BMPR1A: variants seen among roughly 807,000 people sequenced by gnomAD.
The protein encoded by BMPR1A is bone morphogenetic protein receptor type-1A.
In BMPR1A, 7 loss-of-function variants were observed where a neutral mutation model predicts 66.0. The ratio of observed to expected loss-of-function variants is 0.11; its 90% CI spans 0.06 to 0.20. BMPR1A has a LOEUF of 0.20. Among genes scored for constraint, BMPR1A ranks in the 10% least tolerant of loss-of-function variants. The pLI is 1.00. For missense variants in BMPR1A, 408 were observed against 669.1 expected, an observed-to-expected ratio of 0.61 and a Z score of 4.31; for synonymous variants, 200 against 229.7, an observed-to-expected ratio of 0.87 and a Z score of 1.17.
At chr10:86,913,826 T>G (rs755528699) in intron 8 of BMPR1A, among the ~76,000 whole-genome samples, 3 of 152,216 alleles carry the variant, frequency 2.0e-5, no homozygotes, top group Non-Finnish European at 4.4e-5. Flanking sequence ...TATTAAGATT[T>G]CAGTTTTCCT....
intron 11 of BMPR1A, 34 bp downstream of exon 11, chr10:86,921,729 T>G: frequency 6.2e-7 from 1 of 1,613,874 alleles, no homozygotes; most frequent in Non-Finnish European, 8.5e-7. Context: ...TTATGTTGAT[T>G]TACTCATCAT....
At chr10:86,780,955 A>G (rs1421089646) in intron 1 of BMPR1A, among the ~76,000 whole-genome samples, 4 of 151,880 alleles carry the variant, frequency 2.6e-5, no homozygotes, top group East Asian at 1.9e-4. Flanking sequence ...GGCTCAAGCA[A>G]TCCTCCCACA....
rs1589293406 is a variant in BMPR1A, at chr10:86,923,377, G to A, written c.1344G>A (p.Gly448=). ...CCATGTTTTCTCATTCCCTTATAGGGATCGTGGAAGAATACCAATTGCCAT... is the reference window on the plus strand; with the variant it reads ...CCATGTTTTCTCATTCCCTTATAGGAATCGTGGAAGAATACCAATTGCCAT... The part of the protein sequence containing the change: ...WEMARRCITG[G]IVEEYQLPYY... The change falls in exon 12 of 13, where the codon GGG becomes GGA. Residue 448 remains glycine, a splice_region_variant and synonymous_variant. Transcript: ENST00000372037. The A allele has an allele frequency of 1.2e-6, 2 of 1,614,050 alleles. No homozygotes were observed. The highest frequency in any genetic ancestry group is 3.3e-5 in the Admixed American group (2 of 60,002).
chr10:86,807,397 C>A (rs1841902723), intron 1 of BMPR1A, among the ~76,000 whole-genome samples: 1 of 152,038 alleles, frequency 6.6e-6, no homozygotes, highest in Non-Finnish European at 1.5e-5. Context: ...ACTTGTTTAT[C>A]TGACACAGAA....
chr10:86,869,290 T>A (rs772740566), intron 2 of BMPR1A, among the ~76,000 whole-genome samples: 9 of 151,832 alleles, frequency 5.9e-5, no homozygotes, highest in Non-Finnish European at 1.2e-4. Flanking sequence ...AAACCCTGTC[T>A]ATACTGAAAA....
At chr10:86,776,755 TTA>T (rs1008312536) in intron 1 of BMPR1A, among the ~76,000 whole-genome samples, 1 of 152,200 alleles carries the variant, frequency 6.6e-6, no homozygotes, top group African/African-American at 2.4e-5. Flanking sequence ...AGATTTTGTC[TTA>T]TATGGCTCAT....
At chr10:86,798,090 T>C (rs2132841261) in intron 1 of BMPR1A, among the ~76,000 whole-genome samples, 1 of 152,316 alleles carries the variant, frequency 6.6e-6, no homozygotes, top group Non-Finnish European at 1.5e-5. Context: ...ACACATCCTC[T>C]TCATTTAAGG....
At chr10:86,790,181 AAAAAAAAATAT>A (rs1841585500) in intron 1 of BMPR1A, among the ~76,000 whole-genome samples, 2 of 42,362 alleles carry the variant, frequency 4.7e-5, no homozygotes, top group African/African-American at 2.9e-4. Flanking sequence ...AAAAAAAAAA[AAAAAAAAATAT>A]ATATATATAT....
chr10:86,797,247 T>TTTTTTTTTTTTTTTTTTTG lies in BMPR1A; in HGVS notation c.-268+40329_-268+40330insTTTTTTTTTTTTTTTTTGT, dbSNP rs1372738374. 2.4e-5 allele frequency among the ~76,000 whole-genome samples: 3 copies of TTTTTTTTTTTTTTTTTTTG among 124,966 alleles called. 1 individual carries two copies. Among genetic ancestry groups the TTTTTTTTTTTTTTTTTTTG allele is most frequent in the Non-Finnish European group, 5.1e-5 (3 of 59,264 alleles). 82.0% of individuals were successfully genotyped at this position (124,966 alleles called of 152,430 possible). On this transcript the variant is annotated intron_variant, in intron 1 of 12. Coordinates refer to ENST00000372037, the MANE Select transcript of BMPR1A (RefSeq NM_004329.3). Reference sequence around the variant, plus strand: ...GCCCGGCTAATTTTTTTTTTTTTTTTTGAGACGGAGTCTTGCTCTGTTGTC... The same window carrying TTTTTTTTTTTTTTTTTTTG: ...GCCCGGCTAATTTTTTTTTTTTTTTTTTTTTTTTTTTTTTTTTTGTGAGACGGAGTCTTGCTCTGTTGTC...
rs1847873451 is a variant in BMPR1A at position 86,756,742 on chromosome 10, A to C, written c.-445A>C. 6.6e-6 allele frequency: 1 copy of C among 151,218 alleles called. No individual in the cohort carries two copies. Among genetic ancestry groups the C allele is most frequent in the Admixed American group, 6.6e-5 (1 of 15,218 alleles). The allele number at this position is 151,218 out of a possible 1,614,324, so 9.4% of individuals were successfully genotyped here. ...GGGCCAAGGGCGGGCAGGAAGGCTT[A>C]GGCTCGGCGCGTCCGTCCGCGCGCG... On this transcript the variant is annotated 5_prime_UTR_variant, in exon 1 of 13. Transcript: ENST00000372037.
chr10:86,877,360 A>G (rs879281988), intron 3 of BMPR1A, among the ~76,000 whole-genome samples: 5 of 151,828 alleles, frequency 3.3e-5, no homozygotes, highest in Admixed American at 6.6e-5. Flanking sequence ...GGCGCCCACC[A>G]TCACGCCCAG....
In BMPR1A at chr10:86,892,136, A is replaced by C. The variant is rs1282223116; in HGVS notation, c.240A>C (p.Gly80=). The C allele has an allele frequency of 6.2e-7, 1 of 1,612,624 alleles. No individual in the cohort carries two copies. The highest frequency in any genetic ancestry group is 8.5e-7 in the Non-Finnish European group (1 of 1,178,674). The part of the protein sequence containing the change: ...DAINNTCITN[G]HCFAIIEEDD... ...TTTTTTTCTGTTTTAGAACTAATGGACATTGCTTTGCCATCATAGAAGAAG... is the reference window on the plus strand; with the variant it reads ...TTTTTTTCTGTTTTAGAACTAATGGCCATTGCTTTGCCATCATAGAAGAAG... The change falls in exon 5 of 13, where the codon GGA becomes GGC. Residue 80 remains glycine, a synonymous_variant. Coordinates refer to ENST00000372037, the MANE Select transcript of BMPR1A (RefSeq NM_004329.3).
At chr10:86,931,058 CAT>C (rs1374575779), downstream of BMPR1A, 2 of 151,518 alleles carry the variant, frequency 1.3e-5, no homozygotes, top group Non-Finnish European at 2.9e-5. Context: ...GCCTGGCCAA[CAT>C]ATAGTGAAAC....
chr10:86,817,953 C>G (rs1332303750), intron 1 of BMPR1A, among the ~76,000 whole-genome samples: 5 of 152,228 alleles, frequency 3.3e-5, no homozygotes, highest in African/African-American at 1.2e-4. Flanking sequence ...ATGCCAAAAT[C>G]TTCAATAAAG....
At chr10:86,887,882 G>T (rs1843088895) in intron 3 of BMPR1A, among the ~76,000 whole-genome samples, 1 of 152,188 alleles carries the variant, frequency 6.6e-6, no homozygotes, top group African/African-American at 2.4e-5. Context: ...AGACCATCCA[G>T]CTAGGTAAAG....
chr10:86,896,956 C>T (rs1843231711), intron 5 of BMPR1A, among the ~76,000 whole-genome samples: 1 of 152,234 alleles, frequency 6.6e-6, no homozygotes, highest in Admixed American at 6.5e-5. Context: ...CTCATCCTAA[C>T]CCTTTCCCCA....
chr10:86,854,922 TTTTTC>T, intron 2 of BMPR1A: 2 of 184,810 alleles, frequency 1.1e-5, no homozygotes, highest in South Asian at 1.4e-4. Flanking sequence ...AAGTTCTTTT[TTTTTC>T]TTTTTCTTTT....
chr10:86,867,804 A>G (rs1469966554), intron 2 of BMPR1A, among the ~76,000 whole-genome samples: 1 of 152,202 alleles, frequency 6.6e-6, no homozygotes, highest in Non-Finnish European at 1.5e-5. Context: ...ATAATGCTAT[A>G]CTAGATTGTC....
chr10:86,884,705 G>A (rs1236938632), intron 3 of BMPR1A, among the ~76,000 whole-genome samples: 2 of 151,918 alleles, frequency 1.3e-5, no homozygotes, highest in South Asian at 2.1e-4. Flanking sequence ...GTGAGCCACC[G>A]CGCCTGGCCA....
Sources: allele counts gnomAD v4.1 joint callset (sites outside exome capture counted in the v4.1 genomes callset), GRCh38; gene constraint gnomAD v4.1.1; transcripts MANE v1.5; gene names NCBI Gene and HGNC (gene_info 2026-07-23, HGNC 2026-07-21).